EGFLAM: variants seen among roughly 807,000 people sequenced by gnomAD.
EGFLAM encodes pikachurin.
EGFLAM carries 79 observed loss-of-function variants against 113.1 expected under a neutral mutation model. The ratio of observed to expected loss-of-function variants is 0.70; its 90% CI spans 0.58 to 0.84. The LOEUF is 0.84. Ranked by LOEUF, EGFLAM falls within the 40% of genes least tolerant of loss-of-function variation. The probability of loss-of-function intolerance (pLI) is 0.00; values close to 1 mark genes in which losing one functional copy is unlikely to be tolerated. For missense variants in EGFLAM, 1,265 were observed against 1,291.6 expected, an observed-to-expected ratio of 0.98 and a Z score of 0.32; for synonymous variants, 504 against 487.6, an observed-to-expected ratio of 1.03 and a Z score of -0.44.
intron 17 of EGFLAM, among the ~76,000 whole-genome samples, chr5:38,442,048 C>T (rs1267137921): frequency 6.6e-6 from 1 of 152,200 alleles, no homozygotes; most frequent in Non-Finnish European, 1.5e-5. Flanking sequence ...ACCTACCACA[C>T]ATGCAACATT....
intron 1 of EGFLAM, among the ~76,000 whole-genome samples, chr5:38,266,977 G>A (rs62352374): frequency 0.14 from 21,909 of 152,098 alleles, 1,734 homozygotes; most frequent in Middle Eastern, 0.28. Flanking sequence ...CAGCTGGAAA[G>A]AGCCCCCACT....
At chr5:38,310,482 A>ATTCTTTAGC (rs1738404568) in intron 1 of EGFLAM, among the ~76,000 whole-genome samples, 1 of 152,092 alleles carries the variant, frequency 6.6e-6, no homozygotes, top group South Asian at 2.1e-4. Context: ...TGTTAAAATT[A>ATTCTTTAGC]TTCTTTAGCT....
At chr5:38,336,795 A>G (rs1252911393) in intron 1 of EGFLAM, among the ~76,000 whole-genome samples, 2 of 152,020 alleles carry the variant, frequency 1.3e-5, no homozygotes, top group Admixed American at 1.3e-4. Flanking sequence ...ATTTCAGATA[A>G]GGGATGTCAA....
At chr5:38,309,924 T>C (rs1738380277) in intron 1 of EGFLAM, among the ~76,000 whole-genome samples, 1 of 152,190 alleles carries the variant, frequency 6.6e-6, no homozygotes, top group Non-Finnish European at 1.5e-5. Context: ...CAAATGCCAC[T>C]GCTAGTGTAA....
chr5:38,299,658 A>G (rs998925898), intron 1 of EGFLAM, among the ~76,000 whole-genome samples: 1 of 152,146 alleles, frequency 6.6e-6, no homozygotes, highest in Admixed American at 6.6e-5. Context: ...TAAATACTCT[A>G]TCATTTACCA....
At chr5:38,414,494 C>T (rs919316883) in intron 11 of EGFLAM, among the ~76,000 whole-genome samples, 6 of 152,210 alleles carry the variant, frequency 3.9e-5, no homozygotes, top group South Asian at 2.1e-4. Flanking sequence ...GCTGTGTTAA[C>T]GGAGTCATAG....
intron 16 of EGFLAM, among the ~76,000 whole-genome samples, chr5:38,437,488 T>G (rs1417971788): frequency 6.6e-6 from 1 of 152,136 alleles, no homozygotes; most frequent in Non-Finnish European, 1.5e-5. Flanking sequence ...TGTTTTGCAC[T>G]CTCCCCACTC....
chr5:38,318,633 G>A (rs1237051568), intron 1 of EGFLAM, among the ~76,000 whole-genome samples: 1 of 151,798 alleles, frequency 6.6e-6, no homozygotes, highest in Non-Finnish European at 1.5e-5. Context: ...TCAGCCTCCC[G>A]AGTAGCTGGG....
At chr5:38,360,898 AG>A (rs1296852438) in intron 5 of EGFLAM, among the ~76,000 whole-genome samples, 2 of 151,786 alleles carry the variant, frequency 1.3e-5, no homozygotes, top group Non-Finnish European at 2.9e-5. Context: ...TCTGTCACTT[AG>A]GCCGGAGTGC....
At chr5:38,289,278 C>CG (rs956620773) in intron 1 of EGFLAM, among the ~76,000 whole-genome samples, 3 of 151,068 alleles carry the variant, frequency 2.0e-5, no homozygotes, top group African/African-American at 7.3e-5. Flanking sequence ...TTTCCCCGCC[C>CG]CCACATTTCA....
intron 15 of EGFLAM, among the ~76,000 whole-genome samples, chr5:38,431,933 C>T (rs573981832): frequency 1.5e-4 from 23 of 152,096 alleles, no homozygotes; most frequent in Non-Finnish European, 2.9e-4. Flanking sequence ...TGGTGGTGGT[C>T]GTGGTGAATA....
chr5:38,416,576 G>A (rs917978331), intron 11 of EGFLAM, among the ~76,000 whole-genome samples: 8 of 152,148 alleles, frequency 5.3e-5, no homozygotes, highest in African/African-American at 9.7e-5. Flanking sequence ...ACTGTTGCCC[G>A]GGATCTTGCG....
chr5:38,325,651 A>C (rs965954789), intron 1 of EGFLAM, among the ~76,000 whole-genome samples: 1 of 152,242 alleles, frequency 6.6e-6, no homozygotes, highest in African/African-American at 2.4e-5. Context: ...TACTCTTTTT[A>C]AATAAATTCA....
At chr5:38,337,019 G>GAT (rs1309123625) in intron 1 of EGFLAM, among the ~76,000 whole-genome samples, 1 of 152,188 alleles carries the variant, frequency 6.6e-6, no homozygotes, top group African/African-American at 2.4e-5. Context: ...ACTTAAGATA[G>GAT]ATAGTAAAGC....
intron 3 of EGFLAM, among the ~76,000 whole-genome samples, chr5:38,346,943 G>A: frequency 7.7e-6 from 1 of 129,982 alleles, no homozygotes; most frequent in African/African-American, 2.8e-5. Context: ...CCCTTGTGAA[G>A]CCACATGTAG....
intron 7 of EGFLAM, 151 bp from the exon 8 acceptor site, chr5:38,406,677 A>G (rs1287841076): frequency 1.4e-6 from 1 of 696,758 alleles, no homozygotes; most frequent in Non-Finnish European, 2.4e-6. Context: ...CTCTTTGTCC[A>G]TAAATTAGAG....
intron 1 of EGFLAM, among the ~76,000 whole-genome samples, chr5:38,330,573 T>G (rs1739014337): frequency 6.6e-6 from 1 of 152,226 alleles, no homozygotes; most frequent in African/African-American, 2.4e-5. Flanking sequence ...CCCATCTTCC[T>G]GTTTAAAATA....
chr5:38,342,176 A>G (rs1162083928), intron 3 of EGFLAM, among the ~76,000 whole-genome samples: 1 of 152,210 alleles, frequency 6.6e-6, no homozygotes, highest in East Asian at 1.9e-4. Flanking sequence ...GTTTAGAGGA[A>G]GCCACTTTTA....
At position 38,258,654 on chromosome 5, in the gene EGFLAM, G is replaced by A. The variant is rs999109657; in HGVS notation, c.-101G>A. The A allele has an allele frequency of 2.9e-6, 4 of 1,368,300 alleles. No homozygotes were observed. The African/African-American group carries it at 5.8e-5, about 20-fold the overall frequency. 84.8% of individuals were successfully genotyped at this position (1,368,300 alleles called of 1,614,324 possible). Reference sequence around the variant, plus strand: ...CGCAGCCCCCCACCTCCTCGCCCCGGCCCGGGGATCCGTTGGGGCCGCGTC... The same window carrying A: ...CGCAGCCCCCCACCTCCTCGCCCCGACCCGGGGATCCGTTGGGGCCGCGTC... On this transcript the variant is annotated 5_prime_UTR_variant, in exon 1 of 22. Transcript: ENST00000322350.
Sources: gnomAD v4.1 joint callset for allele counts (sites outside exome capture counted in the v4.1 genomes callset) on GRCh38, gnomAD v4.1.1 for gene constraint, MANE v1.5 for transcripts, NCBI Gene and HGNC (gene_info 2026-07-23, HGNC 2026-07-21) for gene names.